The following TUSC3 variants were observed in gnomAD, a reference collection of about 807,000 sequenced individuals.
TUSC3 encodes dolichyl-diphosphooligosaccharide--protein glycosyltransferase subunit TUSC3.
In TUSC3, 45 loss-of-function variants were observed where a neutral mutation model predicts 44.8. The ratio of observed to expected loss-of-function variants is 1.00; its 90% CI spans 0.79 to 1.29. The LOEUF (loss-of-function observed/expected upper bound fraction) is 1.29, where lower values mean the gene tolerates loss of function less well. Ranked by LOEUF, TUSC3 falls within the 50% of genes most tolerant of loss-of-function variation. The pLI, the probability that TUSC3 is intolerant of heterozygous loss-of-function variation, is 0.00. For missense variants in TUSC3, 519 were observed against 437.9 expected (o/e 1.19, Z -1.65); for synonymous variants, 212 against 152.9 (o/e 1.39, Z -2.85).
At chr8:15,720,316 C>T (rs1810255123) in intron 6 of TUSC3, among the ~76,000 whole-genome samples, 1 of 151,486 alleles carries the variant, frequency 6.6e-6, no homozygotes, top group African/African-American at 2.4e-5. Context: ...CATCTGTAGC[C>T]TTCAAATAGC....
intron 9 of TUSC3, among the ~76,000 whole-genome samples, chr8:15,752,722 G>A (rs963654826): frequency 1.3e-5 from 2 of 151,920 alleles, no homozygotes; most frequent in Admixed American, 6.6e-5. Flanking sequence ...AACGTGATTC[G>A]TATATTCCTA....
upstream of TUSC3, among the ~76,000 whole-genome samples, chr8:15,538,971 C>G (rs1801580167): frequency 2.6e-5 from 4 of 151,564 alleles, no homozygotes; most frequent in Admixed American, 2.6e-4. Flanking sequence ...CAGCCTCAGT[C>G]TTGGAATAGC....
At chr8:15,844,037 G>C in the TUSC3 span, among the ~76,000 whole-genome samples, 2 of 152,044 alleles carry the variant, frequency 1.3e-5, no homozygotes, top group East Asian at 1.9e-4. Flanking sequence ...CAATTTCAGC[G>C]AATCTGTAAG....
At chr8:15,713,390 A>G (rs76808113) in intron 6 of TUSC3, among the ~76,000 whole-genome samples, 3,453 of 152,244 alleles carry the variant, frequency 0.023, 130 homozygotes, top group African/African-American at 0.077. Context: ...TGTTACTGTC[A>G]TTGTTCAAAA....
chr8:15,773,587 C>T, the TUSC3 span, among the ~76,000 whole-genome samples: 4 of 152,166 alleles, frequency 2.6e-5, no homozygotes, highest in Admixed American at 2.0e-4. Context: ...AATAAGAAAG[C>T]TGATTCATAT....
intron 1 of TUSC3, among the ~76,000 whole-genome samples, chr8:15,457,579 A>T (rs1800273845): frequency 6.6e-6 from 1 of 150,884 alleles, no homozygotes; most frequent in Non-Finnish European, 1.5e-5. Context: ...ATACGCTACG[A>T]GAAAAATGTA....
At chr8:15,503,890 C>T (rs1801008024) in intron 2 of TUSC3, among the ~76,000 whole-genome samples, 1 of 151,778 alleles carries the variant, frequency 6.6e-6, no homozygotes, top group African/African-American at 2.4e-5. Context: ...TGGTGCACAC[C>T]TGTAATCCTA....
chr8:15,562,807 A>C (rs1204641353), intron 1 of TUSC3, among the ~76,000 whole-genome samples: 6 of 152,242 alleles, frequency 3.9e-5, no homozygotes, highest in African/African-American at 1.4e-4. Flanking sequence ...ATTCCAGATC[A>C]CTAGGATCAC....
At chr8:15,531,054 G>A (rs184159099) in intron 2 of TUSC3, among the ~76,000 whole-genome samples, 2 of 152,284 alleles carry the variant, frequency 1.3e-5, no homozygotes. Context: ...CACACTGTGT[G>A]TGCTCACCTG....
chr8:15,520,975 C>G (rs923268249), intron 2 of TUSC3, among the ~76,000 whole-genome samples: 1 of 152,148 alleles, frequency 6.6e-6, no homozygotes, highest in Non-Finnish European at 1.5e-5. Flanking sequence ...GAGATTGTTA[C>G]AAGAAAAGCT....
intron 1 of TUSC3, among the ~76,000 whole-genome samples, chr8:15,581,602 T>C (rs543997325): frequency 6.7e-6 from 1 of 149,684 alleles, no homozygotes; most frequent in East Asian, 2.0e-4. Context: ...GTGCCCCTGC[T>C]GCGGGGTGCC....
intron 1 of TUSC3, among the ~76,000 whole-genome samples, chr8:15,457,194 C>T (rs966677095): frequency 6.6e-6 from 1 of 151,092 alleles, no homozygotes; most frequent in Non-Finnish European, 1.5e-5. Context: ...GGAGGGTTAG[C>T]ATTAGGAGAT....
At position 15,704,873 on chromosome 8, in the gene TUSC3, C is replaced by T. The variant is rs10106011; in HGVS notation, c.799-25793C>T. On this transcript the variant is annotated intron_variant, in intron 6 of 10. Coordinates refer to ENST00000503731, the MANE Select transcript of TUSC3 (RefSeq NM_006765.4). ...GAATCAAAAGGGTTAAGTGATTTGC[C>T]CAAAAGCACATAACAAGTTAATCAC... Among the ~76,000 whole-genome samples, 320 of 151,732 alleles carry T rather than the reference C, an allele frequency of 2.1e-3. 4 individuals are homozygous for T. The highest frequency in any genetic ancestry group is 7.4e-3 in the African/African-American group (308 of 41,404).
At position 15,687,072 on chromosome 8, in the gene TUSC3, C is replaced by CA. The variant is rs561515593; in HGVS notation, c.798+13244dup. Among the ~76,000 whole-genome samples, 136 of 149,730 alleles carry CA rather than the reference C, an allele frequency of 9.1e-4. No homozygotes were observed. In the Middle Eastern group the frequency reaches 0.014, roughly 15 times the overall value. On this transcript the variant is annotated intron_variant, in intron 6 of 10. Coordinates refer to ENST00000503731, the MANE Select transcript of TUSC3 (RefSeq NM_006765.4). ...TGGGTGACAGAGCAAGACTCCGTCT[C>CA]AAAAAAAACAAAAAACAAAAAAATG...
At chr8:15,541,206 T>A (rs2129132756) in intron 1 of TUSC3, among the ~76,000 whole-genome samples, 1 of 152,366 alleles carries the variant, frequency 6.6e-6, no homozygotes, top group South Asian at 2.1e-4. Context: ...TGGATTTATT[T>A]CTGAAGTTCA....
the TUSC3 span, among the ~76,000 whole-genome samples, chr8:15,790,070 T>G: frequency 6.6e-6 from 1 of 152,104 alleles, no homozygotes; most frequent in Non-Finnish European, 1.5e-5. Flanking sequence ...CACTTTTAAT[T>G]ATTTGCAAGT....
intron 2 of TUSC3, among the ~76,000 whole-genome samples, chr8:15,524,727 G>A (rs904103028): frequency 2.0e-5 from 3 of 152,108 alleles, no homozygotes; most frequent in Admixed American, 6.6e-5. Flanking sequence ...TCATGCTCTG[G>A]TAAAACTCTT....
At chr8:15,448,670 T>C (rs576758905) in intron 1 of TUSC3, among the ~76,000 whole-genome samples, 2 of 152,336 alleles carry the variant, frequency 1.3e-5, no homozygotes, top group South Asian at 4.1e-4. Context: ...AAATAATGTG[T>C]CTAACACGTA....
chr8:15,743,712 A>T, intron 8 of TUSC3, 100 bp downstream of exon 8: 1 of 1,272,376 alleles, frequency 7.9e-7, no homozygotes, highest in Non-Finnish European at 1.1e-6. Context: ...ACAAACTTCT[A>T]AAGAAATGTT....
Sources: gnomAD v4.1 joint callset for allele counts (sites outside exome capture counted in the v4.1 genomes callset) on GRCh38, gnomAD v4.1.1 for gene constraint, MANE v1.5 for transcripts, NCBI Gene and HGNC (gene_info 2026-07-23, HGNC 2026-07-21) for gene names.